Variants in PLEKHH2 observed in about 807,000 individuals in gnomAD.
PLEKHH2 encodes pleckstrin homology domain-containing family H member 2.
A neutral mutation model predicts 187.9 loss-of-function variants in PLEKHH2; 129 were observed. That is an observed-to-expected ratio of 0.69 (90% CI 0.59 to 0.79). PLEKHH2 has a LOEUF of 0.79. PLEKHH2 is among the 30% of genes least tolerant of loss of function. The probability of loss-of-function intolerance (pLI) is 0.00; values close to 1 mark genes in which losing one functional copy is unlikely to be tolerated. For missense variants in PLEKHH2, 2,076 were observed against 1,751.2 expected (o/e 1.19, Z -3.31); for synonymous variants, 686 against 605.6 (o/e 1.13, Z -1.95).
At chr2:43,712,751 C>A (rs1670028944) in intron 15 of PLEKHH2, among the ~76,000 whole-genome samples, 1 of 151,870 alleles carries the variant, frequency 6.6e-6, no homozygotes, top group East Asian at 1.9e-4. Context: ...GGAAAAGGAA[C>A]AAAAGACTCA....
At chr2:43,692,280 T>C in intron 3 of PLEKHH2, 1 of 333,368 alleles carries the variant, frequency 3.0e-6, no homozygotes, top group South Asian at 4.5e-5. Context: ...CATTACTTTA[T>C]ATGATAGCAA....
intron 8 of PLEKHH2, among the ~76,000 whole-genome samples, chr2:43,702,528 T>C (rs1024088157): frequency 4.0e-5 from 1 of 24,692 alleles, no homozygotes; most frequent in Non-Finnish European, 9.1e-5. Flanking sequence ...ATTCTACTAC[T>C]TTTTTTTTTT....
At chr2:43,675,167 A>T (rs1667681164) in intron 2 of PLEKHH2, 2 of 421,618 alleles carry the variant, frequency 4.7e-6, no homozygotes, top group Non-Finnish European at 8.3e-6. Flanking sequence ...TTAATAGTAT[A>T]TTTTATTTAA....
intron 8 of PLEKHH2, among the ~76,000 whole-genome samples, chr2:43,702,772 T>C (rs1179613107): frequency 1.3e-5 from 2 of 152,272 alleles, no homozygotes; most frequent in Admixed American, 6.5e-5. Context: ...CCTATCCTTA[T>C]TGAACTGGAA....
intron 2 of PLEKHH2, among the ~76,000 whole-genome samples, chr2:43,670,873 A>G (rs1261199863): frequency 1.3e-5 from 2 of 151,924 alleles, no homozygotes; most frequent in Admixed American, 6.5e-5. Context: ...GCATATAAAT[A>G]TTGTGCTTAT....
At chr2:43,644,819 G>T in intron 2 of PLEKHH2, 23 bp downstream of exon 2, 2 of 1,580,314 alleles carry the variant, frequency 1.3e-6, no homozygotes, top group South Asian at 1.2e-5. Flanking sequence ...CCTAAGCTTT[G>T]TTATTAAATG....
intron 2 of PLEKHH2, 50 bp downstream of exon 2, chr2:43,644,846 T>A: frequency 6.7e-7 from 1 of 1,492,006 alleles, no homozygotes; most frequent in Non-Finnish European, 9.1e-7. Context: ...ATTTAGGGTC[T>A]GCTTCATTTA....
At chr2:43,678,129 C>T (rs547858643) in intron 2 of PLEKHH2, among the ~76,000 whole-genome samples, 58 of 150,544 alleles carry the variant, frequency 3.9e-4, no homozygotes, top group African/African-American at 1.3e-3. Context: ...GGGGCAGAGG[C>T]GCTCCCCACA....
At chr2:43,747,092 G>GTCTCTCTCTCTCTCTCTCCCTCTCTC (rs539728000) in intron 24 of PLEKHH2, among the ~76,000 whole-genome samples, 10 of 130,662 alleles carry the variant, frequency 7.7e-5, no homozygotes, top group African/African-American at 2.3e-4. Context: ...CTTTCTTTCT[G>GTCTCTCTCTCTCTCTCTCCCTCTCTC]TCTCTCTCTC....
chr2:43,657,593 T>C (rs563952456), intron 2 of PLEKHH2, among the ~76,000 whole-genome samples: 1 of 152,232 alleles, frequency 6.6e-6, no homozygotes, highest in Non-Finnish European at 1.5e-5. Flanking sequence ...TATCTCTTGA[T>C]GGAGGACATC....
At chr2:43,678,611 G>A (rs1483116121) in intron 2 of PLEKHH2, among the ~76,000 whole-genome samples, 1 of 152,108 alleles carries the variant, frequency 6.6e-6, no homozygotes, top group Non-Finnish European at 1.5e-5. Flanking sequence ...TCGGCAGGCT[G>A]AGGCAGGAGA....
chr2:43,710,408 A>G, intron 13 of PLEKHH2, 78 bp downstream of exon 13: 2 of 1,581,662 alleles, frequency 1.3e-6, no homozygotes, highest in East Asian at 2.2e-5. Context: ...TCCTTCCCAT[A>G]ATGCAAGTAA....
In PLEKHH2 at chr2:43,694,453, C is replaced by G; in HGVS notation, c.359C>G (p.Ala120Gly). 2 of 1,560,410 alleles carry G rather than the reference C, an allele frequency of 1.3e-6. No individual in the cohort carries two copies. The highest frequency in any genetic ancestry group is 1.2e-5 in the South Asian group (1 of 85,726). The change falls in exon 5 of 30, where the codon GCT becomes GGT. Residue 120 changes from alanine (A) to glycine (G), a missense_variant. Transcript: ENST00000282406. ...EEQKQIRIQE[A>G]KIIEEKAAKI... ...CAGAAACAAATAAGAATACAAGAAG[C>G]TAAAATAATAGAAGAGAAAGCAGCT...
In PLEKHH2 at chr2:43,758,442, G is replaced by A. The variant is rs6719513; in HGVS notation, c.3942-458G>A. Among the ~76,000 whole-genome samples the A allele has an allele frequency of 7.3e-3, 1,116 of 152,136 alleles. 15 individuals are homozygous for A. The highest frequency in any genetic ancestry group is 0.025 in the African/African-American group (1,050 of 41,494). ...TTATTTTTGTATTTTTAGTAGAGAC[G>A]GGGTTTCACCACGTTGGCCAGGCTG... On this transcript the variant is annotated intron_variant, in intron 26 of 29. Coordinates refer to ENST00000282406, the MANE Select transcript of PLEKHH2 (RefSeq NM_172069.4).
rs773559760 is a variant in PLEKHH2, at chr2:43,644,709, T to G, written c.36T>G (p.Asp12Glu). ...AELSEPEGPVDWKERCVALES... is the reference protein window; with the variant it reads ...AELSEPEGPVEWKERCVALES... ...TTTCTGAGCCAGAGGGACCAGTAGATTGGAAGGAACGATGTGTAGCTCTGG... is the reference window on the plus strand; with the variant it reads ...TTTCTGAGCCAGAGGGACCAGTAGAGTGGAAGGAACGATGTGTAGCTCTGG... Residue 12 changes from aspartate to glutamate, a missense_variant, in exon 2 of 30, where the codon GAT (aspartate) becomes GAG (glutamate). Asp to Glu is a conservative substitution (Grantham distance 45). Coordinates refer to ENST00000282406, the MANE Select transcript of PLEKHH2 (RefSeq NM_172069.4). 5 of 1,607,644 alleles carry G rather than the reference T, an allele frequency of 3.1e-6. No homozygotes were observed. Among genetic ancestry groups the G allele is most frequent in the Non-Finnish European group, 4.3e-6 (5 of 1,175,794 alleles).
intron 8 of PLEKHH2, among the ~76,000 whole-genome samples, chr2:43,702,527 C>CTTTTTTTTTTTTTT (rs1167078689): frequency 3.3e-4 from 19 of 57,390 alleles, no homozygotes; most frequent in African/African-American, 5.7e-4. Flanking sequence ...CATTCTACTA[C>CTTTTTTTTTTTTTT]TTTTTTTTTT....
intron 3 of PLEKHH2, among the ~76,000 whole-genome samples, chr2:43,689,001 G>A (rs549138554): frequency 1.3e-5 from 2 of 152,184 alleles, no homozygotes; most frequent in African/African-American, 2.4e-5. Flanking sequence ...CAGGGCCCCA[G>A]GTGAACACAA....
intron 3 of PLEKHH2, chr2:43,681,343 G>A (rs1197309745): frequency 1.7e-6 from 2 of 1,161,602 alleles, no homozygotes; most frequent in African/African-American, 1.5e-5. Flanking sequence ...CTCCATTGGG[G>A]TCACCTGTCA....
intron 2 of PLEKHH2, chr2:43,675,310 T>G: frequency 1.8e-6 from 2 of 1,082,020 alleles, no homozygotes; most frequent in Middle Eastern, 2.2e-4. Context: ...TTACACTGTA[T>G]CAGAATTTGG....
Sources: allele counts gnomAD v4.1 joint callset (sites outside exome capture counted in the v4.1 genomes callset), GRCh38; gene constraint gnomAD v4.1.1; transcripts MANE v1.5; gene names NCBI Gene and HGNC (gene_info 2026-07-23, HGNC 2026-07-21).